Variants in TMTC2 observed in about 807,000 individuals in gnomAD.
TMTC2 encodes the protein protein O-mannosyl-transferase TMTC2.
TMTC2 carries 43 observed loss-of-function variants against 82.4 expected under a neutral mutation model. The observed-to-expected ratio is 0.52, with a 90% CI of 0.41 to 0.67. TMTC2 has a LOEUF of 0.67. TMTC2 is among the 30% of genes least tolerant of loss of function. The pLI is 0.00. For synonymous variants in TMTC2, 408 were observed against 381.9 expected (o/e 1.07, Z -0.80); for missense variants, 919 against 1,012.4 (o/e 0.91, Z 1.25).
chr12:82,997,398 GTATATATATA>G (rs1248707722), intron 8 of TMTC2, among the ~76,000 whole-genome samples: 1 of 45,982 alleles, frequency 2.2e-5, no homozygotes. Context: ...ATATATATGT[GTATATATATA>G]TGTGTATATA....
intron 11 of TMTC2, among the ~76,000 whole-genome samples, chr12:83,121,704 G>T (rs764801260): frequency 2.6e-5 from 4 of 152,022 alleles, no homozygotes; most frequent in African/African-American, 4.8e-5. Flanking sequence ...GGTGTGTGGG[G>T]CCCTAGAACT....
chr12:83,103,829 C>T (rs1207023838), intron 11 of TMTC2, among the ~76,000 whole-genome samples: 2 of 152,230 alleles, frequency 1.3e-5, no homozygotes, highest in African/African-American at 4.8e-5. Flanking sequence ...TAAGTCAAAT[C>T]TCTTCCACCA....
At chr12:82,800,532 A>G (rs955850856) in intron 1 of TMTC2, among the ~76,000 whole-genome samples, 4 of 152,130 alleles carry the variant, frequency 2.6e-5, no homozygotes, top group Non-Finnish European at 5.9e-5. Flanking sequence ...TATTTTTCTC[A>G]TTAAAGCACA....
At chr12:82,894,032 G>A (rs554479564) in intron 2 of TMTC2, among the ~76,000 whole-genome samples, 57 of 152,282 alleles carry the variant, frequency 3.7e-4, no homozygotes, top group African/African-American at 1.3e-3. Context: ...GTGGAGGGAA[G>A]GAAAGAGGCT....
Position 82,913,361 on chromosome 12 carries a change from C to T in TMTC2, c.1483+16715C>T, listed in dbSNP as rs573038692. 7.2e-5 allele frequency among the ~76,000 whole-genome samples: 11 copies of T among 152,122 alleles called. No individual in the cohort carries two copies. The South Asian group carries it at 2.3e-3, about 32-fold the overall frequency. On this transcript the variant is annotated intron_variant, in intron 3 of 11. Transcript: ENST00000321196. ...TTTTGGCTTTTGCTGGTTCTCAGCTCATTCTCACATTGAGCCTGGAGCAGA... is the reference window on the plus strand; with the variant it reads ...TTTTGGCTTTTGCTGGTTCTCAGCTTATTCTCACATTGAGCCTGGAGCAGA...
At chr12:83,119,381 A>G (rs1884872598) in intron 11 of TMTC2, among the ~76,000 whole-genome samples, 1 of 152,138 alleles carries the variant, frequency 6.6e-6, no homozygotes, top group Non-Finnish European at 1.5e-5. Flanking sequence ...TTAAATTTTT[A>G]TCTTTATTTC....
chr12:82,803,238 G>T (rs950870603), intron 1 of TMTC2, among the ~76,000 whole-genome samples: 1 of 152,072 alleles, frequency 6.6e-6, no homozygotes, highest in Non-Finnish European at 1.5e-5. Flanking sequence ...ACAAATATTG[G>T]ACTCATTCTC....
intron 2 of TMTC2, among the ~76,000 whole-genome samples, chr12:82,874,486 T>C (rs2137142300): frequency 6.6e-6 from 1 of 152,352 alleles, no homozygotes; most frequent in East Asian, 1.9e-4. Flanking sequence ...GCAGATATTA[T>C]GTTTTTCACT....
chr12:83,033,956 T>C (rs1881560729), intron 9 of TMTC2, among the ~76,000 whole-genome samples: 1 of 150,450 alleles, frequency 6.6e-6, no homozygotes, highest in African/African-American at 2.4e-5. Context: ...GGGGTTTGCT[T>C]TTTTTTTCCC....
At chr12:82,792,386 A>G (rs924075963) in intron 1 of TMTC2, among the ~76,000 whole-genome samples, 26 of 152,058 alleles carry the variant, frequency 1.7e-4, no homozygotes, top group Admixed American at 2.0e-4. Context: ...TTTCCAAAAT[A>G]TATCAACACT....
Position 83,127,422 on chromosome 12 carries a change from A to G in TMTC2, c.2332-4788A>G, listed in dbSNP as rs76567251. Among the ~76,000 whole-genome samples, 738 of 152,244 alleles carry G rather than the reference A, an allele frequency of 4.8e-3. 2 individuals are homozygous for G. The highest frequency in any genetic ancestry group is 7.4e-3 in the Non-Finnish European group (506 of 67,966). ...GTTGATTATCCTTCATAAAACGGAA[A>G]TGGCCACAGAGACCAATGGGATACA... is the stretch of plus-strand genomic sequence containing the variant. On this transcript the variant is annotated intron_variant, in intron 11 of 11. Transcript: ENST00000321196.
intron 3 of TMTC2, among the ~76,000 whole-genome samples, chr12:82,921,359 T>A (rs1050419919): frequency 6.6e-6 from 1 of 152,204 alleles, no homozygotes; most frequent in Non-Finnish European, 1.5e-5. Context: ...GAAATGAGGA[T>A]AGTAATACTA....
intron 8 of TMTC2, among the ~76,000 whole-genome samples, chr12:83,019,262 T>C (rs1771631416): frequency 6.6e-6 from 1 of 152,182 alleles, no homozygotes; most frequent in South Asian, 2.1e-4. Context: ...CTGCTGACAC[T>C]GCTGCTCCTC....
intron 3 of TMTC2, among the ~76,000 whole-genome samples, chr12:82,918,735 TC>T (rs1343533866): frequency 4.6e-5 from 7 of 151,518 alleles, no homozygotes; most frequent in Non-Finnish European, 7.4e-5. Flanking sequence ...TCTCTCTCTC[TC>T]TCTTTCTCTC....
chr12:83,045,717 ACACACACACG>A (rs1476083891), intron 9 of TMTC2, among the ~76,000 whole-genome samples: 3 of 123,524 alleles, frequency 2.4e-5, no homozygotes, highest in Non-Finnish European at 5.4e-5. Flanking sequence ...TCACACACAC[ACACACACACG>A]CACACACACA....
At chr12:82,791,034 C>T (rs1878446031) in intron 1 of TMTC2, among the ~76,000 whole-genome samples, 1 of 151,956 alleles carries the variant, frequency 6.6e-6, no homozygotes, top group Admixed American at 6.6e-5. Context: ...CTCTGGGCTT[C>T]TGTATTGTAG....
chr12:82,876,069 A>G (rs2253383), intron 2 of TMTC2, among the ~76,000 whole-genome samples: 72,811 of 101,092 alleles, frequency 0.72, 25,093 homozygotes, highest in South Asian at 0.81. Flanking sequence ...GGTGGTGGTG[A>G]TGATGATGAT....
rs1871331154 is a variant in TMTC2, at chr12:82,857,667, C to CA, written c.654+87_654+88insA. The CA allele has an allele frequency of 6.6e-5, 82 of 1,249,760 alleles. No individual in the cohort carries two copies. The South Asian group carries it at 1.1e-3, about 17-fold the overall frequency. 77.4% of individuals were successfully genotyped at this position (1,249,760 alleles called of 1,614,324 possible). A position where few individuals can be genotyped will look rare whatever the true frequency, so the allele number is the denominator to read the frequency against. On this transcript the variant is annotated intron_variant, in intron 2 of 11. Transcript: ENST00000321196. ...CCACCATTTAAAAAGCAAATTTATT[C>CA]CTCTGCAAGCGGAATTTAAAATAAG...
chr12:82,910,389 C>G (rs548383187), intron 3 of TMTC2, among the ~76,000 whole-genome samples: 2 of 143,514 alleles, frequency 1.4e-5, no homozygotes, highest in East Asian at 1.9e-4. Flanking sequence ...GGCTCCAACC[C>G]CAGGCTCCAA....
Sources: gnomAD v4.1 joint callset for allele counts (sites outside exome capture counted in the v4.1 genomes callset) on GRCh38, gnomAD v4.1.1 for gene constraint, MANE v1.5 for transcripts, NCBI Gene and HGNC (gene_info 2026-07-23, HGNC 2026-07-21) for gene names.